The following CDKL1 variants were observed in gnomAD, a reference collection of about 807,000 sequenced individuals.
CDKL1 encodes the protein cyclin dependent kinase like 1.
In CDKL1, 41 loss-of-function variants were observed where a neutral mutation model predicts 42.0. The observed-to-expected ratio is 0.98, with a 90% CI of 0.76 to 1.27. CDKL1 has a LOEUF of 1.27. CDKL1 is among the 50% of genes most tolerant of loss of function. The probability of loss-of-function intolerance (pLI) is 0.00; values close to 1 mark genes in which losing one functional copy is unlikely to be tolerated. For missense variants in CDKL1, 394 were observed against 428.4 expected (o/e 0.92, Z 0.71); for synonymous variants, 153 against 158.6 (o/e 0.96, Z 0.26).
chr14:50,363,948 T>G (rs1205978339), intron 2 of CDKL1: 1 of 152,370 alleles, frequency 6.6e-6, no homozygotes, highest in Non-Finnish European at 1.5e-5. Flanking sequence ...TTCAGTTTCC[T>G]GTCTCTAAAG....
upstream of CDKL1, chr14:50,397,069 T>A: frequency 7.5e-7 from 1 of 1,335,624 alleles, no homozygotes; most frequent in Non-Finnish European, 9.9e-7. Context: ...GCGGGCCGAG[T>A]CCTGCTGCCG....
At chr14:50,344,042 C>T (rs2033643734) in intron 4 of CDKL1, among the ~76,000 whole-genome samples, 1 of 152,220 alleles carries the variant, frequency 6.6e-6, no homozygotes, top group Non-Finnish European at 1.5e-5. Flanking sequence ...TGAAATTGCA[C>T]TCATGGCCAA....
In CDKL1 at chr14:50,336,767, T is replaced by C. The variant is rs8017364; in HGVS notation, c.739-2146A>G. Among the ~76,000 whole-genome samples, 1,453 of 151,940 alleles carry C rather than the reference T, an allele frequency of 9.6e-3. 32 individuals are homozygous for C. The highest frequency in any genetic ancestry group is 0.033 in the African/African-American group (1,380 of 41,428). ...GCTCATTAGAAGACATTCAAAAATA[T>C]AAAAAATCATAAAGTTACCCCAAAA... On this transcript the variant is annotated intron_variant, in intron 7 of 9. Coordinates refer to ENST00000395834, the MANE Select transcript of CDKL1 (RefSeq NM_004196.7).
At chr14:50,364,765 A>C (rs2034391642) in intron 2 of CDKL1, among the ~76,000 whole-genome samples, 1 of 152,170 alleles carries the variant, frequency 6.6e-6, no homozygotes, top group Non-Finnish European at 1.5e-5. Context: ...TTAATTATTG[A>C]TATTGTTACC....
intron 9 of CDKL1, 107 bp from the exon 10 acceptor site, chr14:50,330,288 C>G: frequency 7.3e-7 from 1 of 1,377,608 alleles, no homozygotes; most frequent in Non-Finnish European, 9.6e-7. Context: ...TATAGAAGTA[C>G]TTTTTTTGCA....
chr14:50,381,523 A>G (rs984111084), intron 2 of CDKL1, among the ~76,000 whole-genome samples: 1 of 152,136 alleles, frequency 6.6e-6, no homozygotes, highest in Non-Finnish European at 1.5e-5. Flanking sequence ...CATTCCTCTC[A>G]AGACCCAGCA....
At position 50,358,636 on chromosome 14, in the gene CDKL1, C is replaced by CTTT. The variant is rs71118873; in HGVS notation, c.290+389_290+391dup. ...CAAACACTGGCTGTTTTTAACTAGTCTTTTTTTTTTTTTTTTTTTTTGAGA... is the reference window on the plus strand; with the variant it reads ...CAAACACTGGCTGTTTTTAACTAGTCTTTTTTTTTTTTTTTTTTTTTTTTGAGA... On this transcript the variant is annotated intron_variant, in intron 3 of 9. Coordinates refer to ENST00000395834, the MANE Select transcript of CDKL1 (RefSeq NM_004196.7). Among the ~76,000 whole-genome samples, 101 of 67,648 alleles carry CTTT rather than the reference C, an allele frequency of 1.5e-3. 20 individuals are homozygous for CTTT. Among genetic ancestry groups the CTTT allele is most frequent in the African/African-American group, 4.5e-3 (79 of 17,400 alleles). 44.4% of individuals were successfully genotyped at this position (67,648 alleles called of 152,430 possible). A position where few individuals can be genotyped will look rare whatever the true frequency, so the allele number is the denominator to read the frequency against.
At chr14:50,352,844 G>T (rs146099127) in intron 3 of CDKL1, among the ~76,000 whole-genome samples, 69 of 152,330 alleles carry the variant, frequency 4.5e-4, no homozygotes, top group African/African-American at 1.6e-3. Context: ...TATAAAACTA[G>T]AGTGCCAACG....
At chr14:50,388,125 G>A (rs975795842) in intron 2 of CDKL1, among the ~76,000 whole-genome samples, 3 of 152,122 alleles carry the variant, frequency 2.0e-5, no homozygotes, top group East Asian at 1.9e-4. Flanking sequence ...TCCTGACCTC[G>A]TGATCCACCT....
intron 3 of CDKL1, among the ~76,000 whole-genome samples, chr14:50,346,107 G>C (rs546343943): frequency 6.6e-6 from 1 of 152,120 alleles, no homozygotes; most frequent in Non-Finnish European, 1.5e-5. Flanking sequence ...CTCTTGAGTA[G>C]CTGTGTTAAG....
chr14:50,380,410 T>A (rs567529892), intron 2 of CDKL1, among the ~76,000 whole-genome samples: 39 of 152,342 alleles, frequency 2.6e-4, no homozygotes, highest in African/African-American at 7.7e-4. Context: ...GGAACTGATA[T>A]ACACAGGCTC....
At chr14:50,358,031 G>T (rs1404840730) in intron 3 of CDKL1, 1 of 1,355,780 alleles carries the variant, frequency 7.4e-7, no homozygotes, top group South Asian at 1.1e-5. Flanking sequence ...CACCCTGCAA[G>T]AGGCTGCCCT....
chr14:50,395,228 A>G (rs1256815003), intron 2 of CDKL1, among the ~76,000 whole-genome samples: 1 of 152,210 alleles, frequency 6.6e-6, no homozygotes, highest in Non-Finnish European at 1.5e-5. Flanking sequence ...CTATACTATC[A>G]AATTGTAATG....
chr14:50,332,677 C>T (rs1331321651), intron 8 of CDKL1: 5 of 1,533,366 alleles, frequency 3.3e-6, no homozygotes, highest in Non-Finnish European at 3.5e-6. Context: ...GTTCTTGAAG[C>T]AATTGGTACT....
At chr14:50,349,530 G>T (rs1405330751) in intron 3 of CDKL1, among the ~76,000 whole-genome samples, 1 of 152,184 alleles carries the variant, frequency 6.6e-6, no homozygotes, top group African/African-American at 2.4e-5. Flanking sequence ...CTGCACTCCA[G>T]GTGGCAAAAG....
At chr14:50,358,473 G>T (rs1200228981) in intron 3 of CDKL1, among the ~76,000 whole-genome samples, 1 of 151,056 alleles carries the variant, frequency 6.6e-6, no homozygotes, top group Non-Finnish European at 1.5e-5. Flanking sequence ...TCTATGCAGA[G>T]ATAAAGTACC....
At chr14:50,394,488 G>A (rs1399958669) in intron 2 of CDKL1, among the ~76,000 whole-genome samples, 1 of 152,194 alleles carries the variant, frequency 6.6e-6, no homozygotes, top group Non-Finnish European at 1.5e-5. Flanking sequence ...TTATCTAGAA[G>A]TGACCCCACA....
chr14:50,396,055 G>A lies in CDKL1; in HGVS notation c.-187C>T. On this transcript the variant is annotated 5_prime_UTR_variant, in exon 2 of 10. Transcript: ENST00000395834. Reference sequence around the variant, plus strand: ...CAAAAAATTAGCCGGGTGTGGTGATGGGCGCCCGTAGTCCCAGCAACTCAG... The same window carrying A: ...CAAAAAATTAGCCGGGTGTGGTGATAGGCGCCCGTAGTCCCAGCAACTCAG... 1.9e-6 allele frequency: 2 copies of A among 1,062,040 alleles called. No individual in the cohort carries two copies. The highest frequency in any genetic ancestry group is 6.4e-5 in the Admixed American group (2 of 31,360). 65.8% of individuals were successfully genotyped at this position (1,062,040 alleles called of 1,614,324 possible). A position where few individuals can be genotyped will look rare whatever the true frequency, so the allele number is the denominator to read the frequency against.
intron 3 of CDKL1, among the ~76,000 whole-genome samples, chr14:50,355,193 TATC>T (rs2034020500): frequency 6.6e-6 from 1 of 152,170 alleles, no homozygotes; most frequent in Non-Finnish European, 1.5e-5. Flanking sequence ...CGTAACTAAT[TATC>T]TATTGTTGGA....
Sources: allele counts gnomAD v4.1 joint callset (sites outside exome capture counted in the v4.1 genomes callset), GRCh38; gene constraint gnomAD v4.1.1; transcripts MANE v1.5; gene names NCBI Gene and HGNC (gene_info 2026-07-23, HGNC 2026-07-21).